LARGE1: variants seen among roughly 807,000 people sequenced by gnomAD.
LARGE1 encodes the protein xylosyl- and glucuronyltransferase LARGE1.
In LARGE1, 43 loss-of-function variants were observed where a neutral mutation model predicts 87.6. That is an observed-to-expected ratio of 0.49 (90% CI 0.38 to 0.63). The LOEUF (loss-of-function observed/expected upper bound fraction) is 0.63. Ranked by LOEUF, LARGE1 falls within the 30% of genes least tolerant of loss-of-function variation. The probability of loss-of-function intolerance (pLI) is 0.00; values close to 1 mark genes in which losing one functional copy is unlikely to be tolerated. For missense variants in LARGE1, 802 were observed against 1,000.2 expected (o/e 0.80, Z 2.67); for synonymous variants, 434 against 394.6 (o/e 1.10, Z -1.18).
the LARGE1 span, among the ~76,000 whole-genome samples, chr22:33,104,913 T>C: frequency 3.0e-5 from 2 of 66,084 alleles, no homozygotes; most frequent in East Asian, 8.2e-4. Context: ...CTTTCTTTCT[T>C]TCTTTCTTTC....
At chr22:33,752,949 G>C (rs1228784921) in intron 2 of LARGE1, among the ~76,000 whole-genome samples, 5 of 152,194 alleles carry the variant, frequency 3.3e-5, no homozygotes, top group African/African-American at 1.2e-4. Flanking sequence ...TGGCCAGGTG[G>C]GGCAGCTCAC....
chr22:33,089,393 CT>C, the LARGE1 span, among the ~76,000 whole-genome samples: 1 of 142,678 alleles, frequency 7.0e-6, no homozygotes, highest in Admixed American at 7.3e-5. Flanking sequence ...TCTTCCTCTT[CT>C]TCTTCTTTCT....
chr22:33,495,295 C>T (rs1281499323), intron 6 of LARGE1, among the ~76,000 whole-genome samples: 2 of 152,184 alleles, frequency 1.3e-5, no homozygotes, highest in Non-Finnish European at 2.9e-5. Flanking sequence ...ATAGCACTGA[C>T]CGCTATCTGA....
At chr22:33,405,076 G>A (rs2066050848) in intron 7 of LARGE1, among the ~76,000 whole-genome samples, 1 of 152,200 alleles carries the variant, frequency 6.6e-6, no homozygotes, top group Admixed American at 6.5e-5. Flanking sequence ...TAAGCTCTGT[G>A]TCCTTTATTT....
chr22:33,773,926 G>C (rs770492642), intron 1 of LARGE1, among the ~76,000 whole-genome samples: 1 of 152,176 alleles, frequency 6.6e-6, no homozygotes, highest in Non-Finnish European at 1.5e-5. Flanking sequence ...TCTAAGGACA[G>C]TACAGACACT....
intron 5 of LARGE1, among the ~76,000 whole-genome samples, chr22:33,576,523 T>C: frequency 6.6e-6 from 1 of 152,166 alleles, no homozygotes; most frequent in East Asian, 1.9e-4. Flanking sequence ...GCTATTGTTC[T>C]AGTTTTAAGT....
chr22:33,621,319 C>T (rs187570804), intron 4 of LARGE1, among the ~76,000 whole-genome samples: 2 of 152,234 alleles, frequency 1.3e-5, no homozygotes, highest in Non-Finnish European at 2.9e-5. Context: ...AAGGTCTTCC[C>T]ACATTGTATT....
At chr22:33,150,645 A>ATAC in the LARGE1 span, among the ~76,000 whole-genome samples, 2 of 152,198 alleles carry the variant, frequency 1.3e-5, no homozygotes, top group African/African-American at 2.4e-5. Flanking sequence ...GACTTAGGTT[A>ATAC]AGGTTCAATT....
At chr22:33,866,170 G>A (rs1011948649) in intron 1 of LARGE1, among the ~76,000 whole-genome samples, 1 of 152,006 alleles carries the variant, frequency 6.6e-6, no homozygotes, top group Non-Finnish European at 1.5e-5. Context: ...GGCCAACTCA[G>A]CTGCTGCCAG....
chr22:33,547,981 C>T (rs574805519), intron 6 of LARGE1, among the ~76,000 whole-genome samples: 2 of 152,142 alleles, frequency 1.3e-5, no homozygotes, highest in African/African-American at 4.8e-5. Context: ...TCCATCACTG[C>T]CGACCAACCC....
At position 33,337,420 on chromosome 22, in the gene LARGE1, A is replaced by T. The variant is rs1171522367; in HGVS notation, c.1287+226T>A. Among the ~76,000 whole-genome samples the T allele has an allele frequency of 3.3e-5, 5 of 151,874 alleles. No individual in the cohort carries two copies. In the East Asian group the frequency reaches 7.8e-4, roughly 24 times the overall value. ...TGCTTGGAAACTCACTTCTGACTTC[A>T]CCTCGTCTGGACCAAACATACCCTG... On this transcript the variant is annotated intron_variant, in intron 10 of 14. Coordinates refer to ENST00000397394, the MANE Select transcript of LARGE1 (RefSeq NM_133642.5).
At chr22:33,861,780 A>C (rs951368517) in intron 1 of LARGE1, among the ~76,000 whole-genome samples, 4 of 151,646 alleles carry the variant, frequency 2.6e-5, no homozygotes, top group African/African-American at 9.7e-5. Context: ...AATGAGCCAC[A>C]TGGCCCTAGA....
chr22:33,247,047 A>G lies in LARGE1; in HGVS notation c.1730+57182T>C, dbSNP rs80153531. ...TTACTATGAGAGAACTGCAGCCAGT[A>G]TGTGTGTGTGTGTGTGTGTGTGTGT... On this transcript the variant is annotated intron_variant, in intron 11 of 11. Transcript: ENST00000608642. 8.8e-3 allele frequency among the ~76,000 whole-genome samples: 1,285 copies of G among 146,306 alleles called. 23 individuals are homozygous for G. The highest frequency in any genetic ancestry group is 0.03 in the African/African-American group (1,199 of 40,164).
intron 6 of LARGE1, among the ~76,000 whole-genome samples, chr22:33,474,544 A>T (rs2068991001): frequency 6.6e-6 from 1 of 152,126 alleles, no homozygotes; most frequent in South Asian, 2.1e-4. Context: ...TTACCCCCTT[A>T]TGCCTGGCAC....
At position 33,273,397 on chromosome 22, in the gene LARGE1, G is replaced by A. The variant is rs750116440; in HGVS notation, c.*1030C>T. 20 of 398,722 alleles carry A rather than the reference G, an allele frequency of 5.0e-5. No homozygotes were observed. Among genetic ancestry groups the A allele is most frequent in the Admixed American group, 2.6e-4 (6 of 22,722 alleles). 24.7% of individuals were successfully genotyped at this position (398,722 alleles called of 1,614,324 possible). ...TTCCTGTAGGTCTCCAGATGGATAC[G>A]TGAATCTTCAGAACTGGGCTTTCAT... On this transcript the variant is annotated 3_prime_UTR_variant, in exon 15 of 15. Coordinates refer to ENST00000397394, the MANE Select transcript of LARGE1 (RefSeq NM_133642.5).
At chr22:33,794,955 C>T (rs1209324928) in intron 1 of LARGE1, among the ~76,000 whole-genome samples, 1 of 152,144 alleles carries the variant, frequency 6.6e-6, no homozygotes, top group African/African-American at 2.4e-5. Flanking sequence ...AAAAGGAACA[C>T]TATTCATATA....
the LARGE1 span, among the ~76,000 whole-genome samples, chr22:33,107,685 C>A: frequency 6.6e-6 from 1 of 152,122 alleles, no homozygotes; most frequent in African/African-American, 2.4e-5. Context: ...GGAAACAAAG[C>A]AATATCCTGT....
intron 6 of LARGE1, among the ~76,000 whole-genome samples, chr22:33,542,236 T>C (rs1417672214): frequency 3.3e-5 from 5 of 151,152 alleles, no homozygotes; most frequent in Admixed American, 6.6e-5. Context: ...TCCAGAGATA[T>C]AGACTACAAT....
intron 11 of LARGE1, among the ~76,000 whole-genome samples, chr22:33,262,619 CCAGCCTGGTCAGG>C (rs1175483782): frequency 6.6e-6 from 1 of 152,100 alleles, no homozygotes; most frequent in African/African-American, 2.4e-5. Context: ...TAACTGATGC[CCAGCCTGGTCAGG>C]CAGCCCCTCC....
Sources: gnomAD v4.1 joint callset for allele counts (sites outside exome capture counted in the v4.1 genomes callset) on GRCh38, gnomAD v4.1.1 for gene constraint, MANE v1.5 for transcripts, NCBI Gene and HGNC (gene_info 2026-07-23, HGNC 2026-07-21) for gene names.